M1AP: variants seen among roughly 807,000 people sequenced by gnomAD.
M1AP encodes the protein meiosis 1 arrest protein.
A neutral mutation model predicts 51.2 loss-of-function variants in M1AP; 39 were observed. The ratio of observed to expected loss-of-function variants is 0.76; its 90% CI spans 0.59 to 1.00. The LOEUF (loss-of-function observed/expected upper bound fraction) is 1.00. Among genes scored for constraint, M1AP ranks in the 50% least tolerant of loss-of-function variants. The pLI is 0.00. For missense variants in M1AP, 545 were observed against 641.2 expected (o/e 0.85, Z 1.62); for synonymous variants, 251 against 249.2 (o/e 1.01, Z -0.07).
chr2:74,590,260 CCTTCT>C (rs887499441), intron 4 of M1AP, among the ~76,000 whole-genome samples: 5 of 152,090 alleles, frequency 3.3e-5, no homozygotes, highest in African/African-American at 4.8e-5. Context: ...ATAAATGGCC[CCTTCT>C]CACTGTATCC....
At position 74,558,580 on chromosome 2, in the gene M1AP, A is replaced by G. The variant is rs1677668094; in HGVS notation, c.*136T>C. The G allele has an allele frequency of 1.0e-6, 1 of 978,744 alleles. No homozygotes were observed. Among genetic ancestry groups the G allele is most frequent in the Non-Finnish European group, 1.5e-6 (1 of 653,872 alleles). The allele number at this position is 978,744 out of a possible 1,614,324, so 60.6% of individuals were successfully genotyped here. A position where few individuals can be genotyped will look rare whatever the true frequency, so the allele number is the denominator to read the frequency against. On this transcript the variant is annotated 3_prime_UTR_variant, in exon 11 of 11. Coordinates refer to ENST00000421985, the MANE Select transcript of M1AP (RefSeq NM_001321739.2). ...GGGACAGCACTGAAACAGGACAGGA[A>G]GGCTGTTGTTTCCCAGTCAGCCCTC... is the stretch of plus-strand genomic sequence containing the variant.
intron 9 of M1AP, 137 bp from the exon 10 acceptor site, chr2:74,559,846 C>G (rs546281899): frequency 5.0e-5 from 34 of 676,662 alleles, no homozygotes; most frequent in Non-Finnish European, 8.5e-5. Flanking sequence ...TTTTCTTTCA[C>G]GAGGACTGTG....
At chr2:74,598,322 T>C (rs896584815) in intron 4 of M1AP, among the ~76,000 whole-genome samples, 1 of 152,032 alleles carries the variant, frequency 6.6e-6, no homozygotes, top group Non-Finnish European at 1.5e-5. Context: ...GCGGAGGTTG[T>C]GGTGAGCCGA....
intron 4 of M1AP, among the ~76,000 whole-genome samples, chr2:74,601,603 A>G (rs1285044313): frequency 6.6e-6 from 1 of 152,158 alleles, no homozygotes; most frequent in African/African-American, 2.4e-5. Context: ...ACAGCACTGG[A>G]CAGGATCTTT....
intron 6 of M1AP, among the ~76,000 whole-genome samples, chr2:74,576,144 C>T (rs1164530642): frequency 6.6e-6 from 1 of 152,198 alleles, no homozygotes; most frequent in Non-Finnish European, 1.5e-5. Flanking sequence ...TGTCTTGATG[C>T]CTAAACAAAG....
At chr2:74,600,288 G>A (rs184836863) in intron 4 of M1AP, among the ~76,000 whole-genome samples, 7 of 152,172 alleles carry the variant, frequency 4.6e-5, no homozygotes, top group Admixed American at 3.9e-4. Flanking sequence ...GAAAGTATTT[G>A]AACAGTAAGT....
At chr2:74,559,847 G>T (rs1366905956) in intron 9 of M1AP, 138 bp from the exon 10 acceptor site, 1 of 675,426 alleles carries the variant, frequency 1.5e-6, no homozygotes, top group African/African-American at 1.8e-5. Flanking sequence ...TTTCTTTCAC[G>T]AGGACTGTGG....
chr2:74,611,889 T>TTG (rs1681376988), intron 3 of M1AP, among the ~76,000 whole-genome samples: 1 of 69,998 alleles, frequency 1.4e-5, no homozygotes, highest in Non-Finnish European at 2.9e-5. Context: ...AGTGTTTTTT[T>TTG]TTTTTTTTTT....
intron 4 of M1AP, among the ~76,000 whole-genome samples, chr2:74,603,688 C>T (rs1367112378): frequency 6.6e-6 from 1 of 152,220 alleles, no homozygotes; most frequent in Non-Finnish European, 1.5e-5. Context: ...GGAGGACACA[C>T]AGTGAGAGCT....
chr2:74,641,125 C>A (rs1422040990), intron 1 of M1AP, among the ~76,000 whole-genome samples: 1 of 152,216 alleles, frequency 6.6e-6, no homozygotes, highest in African/African-American at 2.4e-5. Flanking sequence ...TTGTCTGAAT[C>A]TCTTATAAGG....
chr2:74,615,282 C>A (rs182586621), intron 2 of M1AP, 133 bp from the exon 3 acceptor site: 1 of 770,616 alleles, frequency 1.3e-6, no homozygotes, highest in Admixed American at 2.6e-5. Flanking sequence ...CCAACATCTA[C>A]TGAATTCCTA....
intron 2 of M1AP, among the ~76,000 whole-genome samples, chr2:74,625,269 GT>G (rs1188935971): frequency 6.6e-6 from 1 of 151,970 alleles, no homozygotes; most frequent in Non-Finnish European, 1.5e-5. Context: ...GTTATTGAAT[GT>G]TTTTTTCTTA....
At chr2:74,589,549 C>T (rs907481742) in intron 4 of M1AP, among the ~76,000 whole-genome samples, 1 of 152,200 alleles carries the variant, frequency 6.6e-6, no homozygotes, top group African/African-American at 2.4e-5. Context: ...AAGGTGTGCC[C>T]AAGCTATCAG....
At chr2:74,599,832 A>ATT (rs386390483) in intron 4 of M1AP, among the ~76,000 whole-genome samples, 8 of 144,412 alleles carry the variant, frequency 5.5e-5, no homozygotes, top group African/African-American at 2.0e-4. Context: ...CTCTGACAGG[A>ATT]TTTTTTTTTT....
At chr2:74,625,957 T>A (rs187829567) in intron 2 of M1AP, among the ~76,000 whole-genome samples, 1 of 152,332 alleles carries the variant, frequency 6.6e-6, no homozygotes, top group Non-Finnish European at 1.5e-5. Context: ...GCCTACACTC[T>A]CTCTGCATGC....
chr2:74,608,888 T>C (rs1193867569), intron 3 of M1AP, among the ~76,000 whole-genome samples: 1 of 152,218 alleles, frequency 6.6e-6, no homozygotes, highest in Non-Finnish European at 1.5e-5. Flanking sequence ...CTTTCTTTGG[T>C]GAGGTATCTG....
In M1AP at chr2:74,563,460, G is replaced by A. The variant is rs1013481174; in HGVS notation, c.1075-1037C>T. On this transcript the variant is annotated intron_variant, in intron 7 of 10. Transcript: ENST00000421985. Reference sequence around the variant, plus strand: ...CTAAATACAAAAAAATTAGCTGGACGTGGTGGCGCATGCCTGTAATCCGAG... The same window carrying A: ...CTAAATACAAAAAAATTAGCTGGACATGGTGGCGCATGCCTGTAATCCGAG... Among the ~76,000 whole-genome samples, 5 of 152,156 alleles carry A rather than the reference G, an allele frequency of 3.3e-5. No homozygotes were observed. The East Asian group carries it at 5.8e-4, about 18-fold the overall frequency.
At chr2:74,581,559 C>G in intron 5 of M1AP, 115 bp downstream of exon 5, 6 of 984,844 alleles carry the variant, frequency 6.1e-6, no homozygotes, top group Non-Finnish European at 9.1e-6. Context: ...TCATCCAACC[C>G]TCTTCCAGTC....
At chr2:74,598,396 TA>T (rs1680469084) in intron 4 of M1AP, among the ~76,000 whole-genome samples, 1 of 151,696 alleles carries the variant, frequency 6.6e-6, no homozygotes, top group Admixed American at 6.6e-5. Flanking sequence ...AATAAATAAA[TA>T]AATAAATAAA....
Sources: allele counts gnomAD v4.1 joint callset (sites outside exome capture counted in the v4.1 genomes callset), GRCh38; gene constraint gnomAD v4.1.1; transcripts MANE v1.5; gene names NCBI Gene and HGNC (gene_info 2026-07-23, HGNC 2026-07-21).